Variants in NSUN6 observed in about 807,000 individuals in gnomAD.
NSUN6 encodes the protein NOP2/Sun RNA methyltransferase 6, also known as tRNA (cytosine(72)-C(5))-methyltransferase NSUN6.
In NSUN6, 64 loss-of-function variants were observed where a neutral mutation model predicts 58.0. The ratio of observed to expected loss-of-function variants is 1.10; its 90% CI spans 0.90 to 1.36. NSUN6 has a LOEUF of 1.36. Ranked by LOEUF, NSUN6 falls within the 40% of genes most tolerant of loss-of-function variation. The pLI, the probability that NSUN6 is intolerant of heterozygous loss-of-function variation, is 0.00. For missense variants in NSUN6, 701 were observed against 550.1 expected (o/e 1.27, Z -2.74); for synonymous variants, 231 against 193.9 (o/e 1.19, Z -1.59).
chr10:18,631,104 C>G (rs533584522), intron 3 of NSUN6, among the ~76,000 whole-genome samples: 49 of 152,280 alleles, frequency 3.2e-4, no homozygotes, highest in Non-Finnish European at 5.1e-4. Context: ...TCATTATACC[C>G]AAATCAATAA....
intron 3 of NSUN6, among the ~76,000 whole-genome samples, chr10:18,638,091 C>G (rs865805137): frequency 6.6e-6 from 1 of 152,222 alleles, no homozygotes; most frequent in South Asian, 2.1e-4. Flanking sequence ...AGTGAACTAT[C>G]TTTAGGAAAA....
intron 8 of NSUN6, among the ~76,000 whole-genome samples, chr10:18,571,731 C>T (rs748173622): frequency 2.0e-5 from 3 of 148,434 alleles, no homozygotes; most frequent in Non-Finnish European, 4.5e-5. Context: ...TTCCATTCCA[C>T]ATTCCATTCC....
upstream of NSUN6, among the ~76,000 whole-genome samples, chr10:18,657,767 C>T (rs2059793335): frequency 6.6e-6 from 1 of 152,030 alleles, no homozygotes; most frequent in South Asian, 2.1e-4. Flanking sequence ...GCGCGTGCCA[C>T]CACACCCGGC....
Position 18,578,231 on chromosome 10 carries a change from A to ATTTTTTTTTT in NSUN6, c.922+7708_922+7717dup, listed in dbSNP as rs71402184. Among the ~76,000 whole-genome samples the ATTTTTTTTTT allele has an allele frequency of 2.0e-3, 245 of 121,118 alleles. 1 individual carries two copies. Among genetic ancestry groups the ATTTTTTTTTT allele is most frequent in the Non-Finnish European group, 3.3e-3 (198 of 60,814 alleles). 79.5% of individuals were successfully genotyped at this position (121,118 alleles called of 152,430 possible). On this transcript the variant is annotated intron_variant, in intron 8 of 10. Coordinates refer to ENST00000377304, the MANE Select transcript of NSUN6 (RefSeq NM_182543.5). ...TCCATGGAGCCTCTTCTCTAAGCCT[A>ATTTTTTTTTT]TTTTTTTTTTTTTTTTTTTGAGATG... is the stretch of plus-strand genomic sequence containing the variant.
chr10:18,648,243 A>C (rs1239276579), intron 2 of NSUN6, among the ~76,000 whole-genome samples: 1 of 152,210 alleles, frequency 6.6e-6, no homozygotes, highest in Non-Finnish European at 1.5e-5. Flanking sequence ...GCCCAGTTTA[A>C]TGCGGCCCAG....
intron 6 of NSUN6, among the ~76,000 whole-genome samples, chr10:18,601,437 T>C (rs2131258541): frequency 6.6e-6 from 1 of 152,122 alleles, no homozygotes; most frequent in East Asian, 1.9e-4. Context: ...AACCCTTTGT[T>C]CCAAGGAACC....
intron 1 of NSUN6, among the ~76,000 whole-genome samples, chr10:18,650,370 AT>A (rs2059668492): frequency 6.6e-6 from 1 of 152,252 alleles, no homozygotes; most frequent in South Asian, 2.1e-4. Flanking sequence ...AGCAAATAAA[AT>A]TAACATTTTT....
chr10:18,565,472 T>C (rs2055857733), intron 8 of NSUN6, among the ~76,000 whole-genome samples: 1 of 150,754 alleles, frequency 6.6e-6, no homozygotes, highest in South Asian at 2.1e-4. Flanking sequence ...CAGTTCAGTC[T>C]CCATTCTATT....
intron 8 of NSUN6, among the ~76,000 whole-genome samples, chr10:18,568,647 C>T (rs1366272634): frequency 1.3e-5 from 2 of 151,104 alleles, no homozygotes; most frequent in African/African-American, 4.8e-5. Flanking sequence ...ATTCTCTTTT[C>T]CATTCTATTC....
At chr10:18,642,380 T>C (rs1590182347) in intron 3 of NSUN6, 96 bp downstream of exon 3, 2 of 667,838 alleles carry the variant, frequency 3.0e-6, no homozygotes, top group East Asian at 5.2e-5. Flanking sequence ...TTGCTAACAA[T>C]GGAGAAACTT....
chr10:18,650,985 C>A, intron 1 of NSUN6, 144 bp downstream of exon 1: 2 of 865,606 alleles, frequency 2.3e-6, no homozygotes, highest in Non-Finnish European at 3.4e-6. Flanking sequence ...CCTGTAGAAA[C>A]ATATTGGTAT....
chr10:18,550,926 A>G (rs2054559790), intron 9 of NSUN6, among the ~76,000 whole-genome samples: 2 of 152,068 alleles, frequency 1.3e-5, no homozygotes, highest in Non-Finnish European at 2.9e-5. Flanking sequence ...GGGTTTTGCC[A>G]TGTTGGCCAG....
chr10:18,580,051 T>C (rs2056836938), intron 8 of NSUN6, among the ~76,000 whole-genome samples: 1 of 152,118 alleles, frequency 6.6e-6, no homozygotes, highest in Non-Finnish European at 1.5e-5. Context: ...TACTTTGAGG[T>C]GGTGTGTAAT....
At chr10:18,651,727 G>A, upstream of NSUN6, 1 of 985,618 alleles carries the variant, frequency 1.0e-6, no homozygotes, top group Non-Finnish European at 1.2e-6. Flanking sequence ...GTTACGCTAC[G>A]CCACGCCCCC....
chr10:18,554,231 G>T (rs1035903805), intron 8 of NSUN6, among the ~76,000 whole-genome samples: 1 of 150,878 alleles, frequency 6.6e-6, no homozygotes, highest in Non-Finnish European at 1.5e-5. Flanking sequence ...GAATGGACTG[G>T]AGACTGGAAG....
chr10:18,595,451 C>T (rs903623431), intron 7 of NSUN6, among the ~76,000 whole-genome samples: 1 of 152,194 alleles, frequency 6.6e-6, no homozygotes, highest in African/African-American at 2.4e-5. Context: ...AATCTTTAAT[C>T]TTCCATATAA....
chr10:18,569,601 C>G (rs1326073954), intron 8 of NSUN6, among the ~76,000 whole-genome samples: 1 of 151,418 alleles, frequency 6.6e-6, no homozygotes. Context: ...CCACACCATT[C>G]CATTCTCCTT....
At chr10:18,566,506 T>C (rs1564729952) in intron 8 of NSUN6, among the ~76,000 whole-genome samples, 2 of 147,436 alleles carry the variant, frequency 1.4e-5, no homozygotes, top group Non-Finnish European at 3.0e-5. Flanking sequence ...CATTCCATTC[T>C]CCATTCTATT....
intron 3 of NSUN6, among the ~76,000 whole-genome samples, chr10:18,641,231 A>T (rs762879802): frequency 2.6e-5 from 4 of 152,198 alleles, no homozygotes; most frequent in Non-Finnish European, 5.9e-5. Flanking sequence ...AACAAACTTC[A>T]ATTTTAACAA....
Sources: gnomAD v4.1 joint callset for allele counts (sites outside exome capture counted in the v4.1 genomes callset) on GRCh38, gnomAD v4.1.1 for gene constraint, MANE v1.5 for transcripts, NCBI Gene and HGNC (gene_info 2026-07-23, HGNC 2026-07-21) for gene names.